GRM1: variants seen among roughly 807,000 people sequenced by gnomAD.
The protein encoded by GRM1 is metabotropic glutamate receptor 1.
GRM1 carries 33 observed loss-of-function variants against 90.9 expected under a neutral mutation model. That is an observed-to-expected ratio of 0.36 (90% CI 0.28 to 0.49). The LOEUF is 0.49. Ranked by LOEUF, GRM1 falls within the 20% of genes least tolerant of loss-of-function variation. The pLI is 0.99. For synonymous variants in GRM1, 700 were observed against 613.2 expected (o/e 1.14, Z -2.09); for missense variants, 1,190 against 1,534.3 (o/e 0.78, Z 3.75).
chr6:146,206,394 G>A (rs1209566512), intron 2 of GRM1, among the ~76,000 whole-genome samples: 2 of 152,076 alleles, frequency 1.3e-5, no homozygotes, highest in African/African-American at 2.4e-5. Context: ...TCTTGATACT[G>A]TCAGTTGCCA....
intron 4 of GRM1, among the ~76,000 whole-genome samples, chr6:146,353,704 ACT>A (rs1332677522): frequency 6.6e-6 from 1 of 152,196 alleles, no homozygotes; most frequent in Non-Finnish European, 1.5e-5. Flanking sequence ...ATCTCGGCTC[ACT>A]GCAATTTCTG....
chr6:146,254,241 G>C (rs895564310), intron 2 of GRM1, among the ~76,000 whole-genome samples: 1 of 151,878 alleles, frequency 6.6e-6, no homozygotes, highest in Non-Finnish European at 1.5e-5. Context: ...TGTGCTAGCT[G>C]TTCCTGTTTT....
intron 2 of GRM1, among the ~76,000 whole-genome samples, chr6:146,265,562 G>A (rs536564869): frequency 5.3e-5 from 8 of 152,120 alleles, no homozygotes; most frequent in African/African-American, 1.9e-4. Flanking sequence ...TTTGTTTTTT[G>A]TTGCATTTGC....
chr6:146,435,130 T>C lies in GRM1; in HGVS notation c.*334T>C. On this transcript the variant is annotated 3_prime_UTR_variant, in exon 8 of 8. Transcript: ENST00000282753. ...ACATCACAAACATAATGTCCTCTTT[T>C]GCACAATTGTGCATAGATATATATA... The C allele has an allele frequency of 4.6e-6, 2 of 432,628 alleles. No individual in the cohort carries two copies. Among genetic ancestry groups the C allele is most frequent in the Non-Finnish European group, 8.6e-6 (2 of 231,434 alleles). The allele number at this position is 432,628 out of a possible 1,614,324, so 26.8% of individuals were successfully genotyped here.
At chr6:146,094,305 G>A (rs1776807263) in intron 1 of GRM1, among the ~76,000 whole-genome samples, 1 of 152,026 alleles carries the variant, frequency 6.6e-6, no homozygotes, top group South Asian at 2.1e-4. Flanking sequence ...TTCCTGGCTG[G>A]GGAGCCTGTC....
intron 3 of GRM1, among the ~76,000 whole-genome samples, chr6:146,311,704 A>C (rs1783774931): frequency 6.6e-6 from 1 of 152,252 alleles, no homozygotes; most frequent in African/African-American, 2.4e-5. Context: ...TCTGTTTAAA[A>C]TAGTTTATTT....
chr6:146,083,723 G>A (rs566529345), intron 1 of GRM1, among the ~76,000 whole-genome samples: 4 of 152,232 alleles, frequency 2.6e-5, no homozygotes, highest in African/African-American at 9.6e-5. Context: ...GCCAGGTTTT[G>A]GTATCAGGAT....
intron 1 of GRM1, among the ~76,000 whole-genome samples, chr6:146,098,768 G>A (rs1296415954): frequency 6.6e-6 from 1 of 151,990 alleles, no homozygotes; most frequent in Non-Finnish European, 1.5e-5. Context: ...AAGTTCTCAT[G>A]AGATCTGATG....
At chr6:146,290,911 G>T (rs1782956051) in intron 2 of GRM1, among the ~76,000 whole-genome samples, 1 of 152,108 alleles carries the variant, frequency 6.6e-6, no homozygotes, top group South Asian at 2.1e-4. Context: ...TACAGTGACT[G>T]TATTTTGAAT....
At chr6:146,069,863 C>T (rs1030349429) in intron 1 of GRM1, among the ~76,000 whole-genome samples, 5 of 152,148 alleles carry the variant, frequency 3.3e-5, no homozygotes, top group African/African-American at 1.2e-4. Flanking sequence ...TATACAAACT[C>T]ATTTTATCTT....
At chr6:146,347,041 C>T (rs373474468) in intron 3 of GRM1, among the ~76,000 whole-genome samples, 13 of 152,294 alleles carry the variant, frequency 8.5e-5, no homozygotes, top group South Asian at 2.1e-4. Context: ...ACTGTACCTA[C>T]GTGCATAGTG....
Position 146,029,946 on chromosome 6 carries a change from C to A in GRM1, c.429C>A (p.Asp143Glu). Residue 143 changes from aspartate to glutamate, a missense_variant, in exon 1 of 8, where the codon GAC becomes GAA. This residue lies in a region of GRM1 where 91 missense variants were observed against 95.6 expected (regional missense o/e 0.95). Coordinates refer to ENST00000282753, the MANE Select transcript of GRM1 (RefSeq NM_001278064.2). The stretch of plus-strand genomic sequence containing the variant: ...ATGGGATCAACCGGTGTCTGCCTGA[C>A]GGCCAGTCCCTCCCCCCAGGCAGGA... ...EKDGINRCLP[D>E]GQSLPPGRTK... is the part of the protein sequence containing the mutation. 1.2e-6 allele frequency: 2 copies of A among 1,614,086 alleles called. No individual in the cohort carries two copies. The highest frequency in any genetic ancestry group is 8.5e-7 in the Non-Finnish European group (1 of 1,179,980).
At chr6:146,254,904 C>T (rs1395030547) in intron 2 of GRM1, among the ~76,000 whole-genome samples, 1 of 152,134 alleles carries the variant, frequency 6.6e-6, no homozygotes, top group Non-Finnish European at 1.5e-5. Flanking sequence ...TATCTGCAGC[C>T]TCTCTCATTT....
chr6:146,339,082 G>A (rs908687447), intron 3 of GRM1, among the ~76,000 whole-genome samples: 1 of 152,194 alleles, frequency 6.6e-6, no homozygotes, highest in Admixed American at 6.5e-5. Flanking sequence ...GAACAGCTAA[G>A]TAGGCAATTT....
At chr6:146,262,509 A>G (rs1282523116) in intron 2 of GRM1, among the ~76,000 whole-genome samples, 3 of 152,058 alleles carry the variant, frequency 2.0e-5, no homozygotes, top group Admixed American at 1.3e-4. Flanking sequence ...GAAAGTATTC[A>G]TAACACTGAC....
intron 1 of GRM1, among the ~76,000 whole-genome samples, chr6:146,133,406 A>G (rs1776481844): frequency 6.6e-6 from 1 of 152,214 alleles, no homozygotes; most frequent in African/African-American, 2.4e-5. Context: ...AATTAATTAA[A>G]TTGCATTTGT....
At chr6:146,058,671 G>C (rs1213852910) in intron 1 of GRM1, among the ~76,000 whole-genome samples, 1 of 152,056 alleles carries the variant, frequency 6.6e-6, no homozygotes, top group Non-Finnish European at 1.5e-5. Context: ...ATACCATGCT[G>C]TTTGATAGCA....
intron 3 of GRM1, among the ~76,000 whole-genome samples, chr6:146,319,816 T>C (rs1188200034): frequency 6.6e-6 from 1 of 152,236 alleles, no homozygotes; most frequent in Non-Finnish European, 1.5e-5. Context: ...ATTGCTTCTG[T>C]ATCCTGAGAC....
chr6:146,170,709 T>G (rs1453850470), intron 2 of GRM1, among the ~76,000 whole-genome samples: 1 of 152,130 alleles, frequency 6.6e-6, no homozygotes, highest in African/African-American at 2.4e-5. Context: ...CATAGTTTCC[T>G]TAGTTCTTTG....
Sources: allele counts gnomAD v4.1 joint callset (sites outside exome capture counted in the v4.1 genomes callset), GRCh38; gene constraint gnomAD v4.1.1; regional missense constraint gnomAD v4.1.1; transcripts MANE v1.5; gene names NCBI Gene and HGNC (gene_info 2026-07-23, HGNC 2026-07-21).